The following GALNTL6 variants were observed in gnomAD, a reference collection of about 807,000 sequenced individuals.
GALNTL6 encodes polypeptide N-acetylgalactosaminyltransferase like 6.
In GALNTL6, 46 loss-of-function variants were observed where a neutral mutation model predicts 73.7. The observed-to-expected ratio is 0.62, with a 90% CI of 0.49 to 0.80. GALNTL6 has a LOEUF of 0.80. Among genes scored for constraint, GALNTL6 ranks in the 30% least tolerant of loss-of-function variants. The pLI, the probability that GALNTL6 is intolerant of heterozygous loss-of-function variation, is 0.00. For synonymous variants in GALNTL6, 259 were observed against 263.7 expected (o/e 0.98, Z 0.17); for missense variants, 604 against 755.0 (o/e 0.80, Z 2.34).
At chr4:171,989,891 G>T (rs571725996) in intron 2 of GALNTL6, among the ~76,000 whole-genome samples, 1 of 152,172 alleles carries the variant, frequency 6.6e-6, no homozygotes, top group African/African-American at 2.4e-5. Context: ...GAGCCTAAAC[G>T]CTATCTGATT....
At chr4:172,714,497 A>G (rs553500394) in intron 5 of GALNTL6, among the ~76,000 whole-genome samples, 1 of 152,324 alleles carries the variant, frequency 6.6e-6, no homozygotes, top group South Asian at 2.1e-4. Context: ...CATAAAGCAA[A>G]ACATTAATAG....
At chr4:172,644,328 C>G (rs922458047) in intron 5 of GALNTL6, among the ~76,000 whole-genome samples, 1 of 151,872 alleles carries the variant, frequency 6.6e-6, no homozygotes, top group African/African-American at 2.4e-5. Context: ...CACACACACA[C>G]AAACCTATGG....
At chr4:172,258,692 C>T (rs1430555050) in intron 3 of GALNTL6, among the ~76,000 whole-genome samples, 8 of 151,184 alleles carry the variant, frequency 5.3e-5, no homozygotes, top group African/African-American at 1.5e-4. Context: ...TTTTGGTGCA[C>T]GCATCACCTG....
chr4:172,849,781 A>G (rs1408097831), intron 7 of GALNTL6, among the ~76,000 whole-genome samples: 1 of 152,200 alleles, frequency 6.6e-6, no homozygotes, highest in African/African-American at 2.4e-5. Context: ...AGAGTTTGTC[A>G]AACTGTTTGA....
At chr4:172,199,472 C>G (rs891589238) in intron 2 of GALNTL6, among the ~76,000 whole-genome samples, 1 of 152,132 alleles carries the variant, frequency 6.6e-6, no homozygotes, top group Non-Finnish European at 1.5e-5. Flanking sequence ...TTAGATAATT[C>G]TCTCACCATT....
At chr4:172,474,858 C>G (rs950969909) in intron 5 of GALNTL6, among the ~76,000 whole-genome samples, 2 of 152,124 alleles carry the variant, frequency 1.3e-5, no homozygotes, top group African/African-American at 4.8e-5. Context: ...TTCCTTACTG[C>G]AGTTCATAGC....
At chr4:172,664,798 G>T (rs542046404) in intron 5 of GALNTL6, among the ~76,000 whole-genome samples, 2 of 152,264 alleles carry the variant, frequency 1.3e-5, no homozygotes, top group Non-Finnish European at 2.9e-5. Flanking sequence ...TTAGCACCCT[G>T]ACAAATGCAG....
Position 172,479,249 on chromosome 4 carries a change from A to G in GALNTL6, c.553+130560A>G, listed in dbSNP as rs1733351260. 5.9e-5 allele frequency among the ~76,000 whole-genome samples: 9 copies of G among 152,324 alleles called. 1 individual carries two copies. In the South Asian group the frequency reaches 1.9e-3, roughly 32 times the overall value. ...ATCACAGCACAATTCACAATTGCAC[A>G]TATATGGAGTCAACCTAAGTGCCCA... On this transcript the variant is annotated intron_variant, in intron 5 of 12. Transcript: ENST00000506823.
At chr4:172,547,307 A>G (rs79955299) in intron 5 of GALNTL6, among the ~76,000 whole-genome samples, 222 of 152,210 alleles carry the variant, frequency 1.5e-3, no homozygotes, top group Middle Eastern at 3.4e-3. Context: ...TTTCAGACCT[A>G]TCAGACTGAT....
At chr4:172,574,573 A>G (rs1736892908) in intron 5 of GALNTL6, among the ~76,000 whole-genome samples, 2 of 151,876 alleles carry the variant, frequency 1.3e-5, no homozygotes, top group Non-Finnish European at 2.9e-5. Context: ...AACAGAATAT[A>G]TGAAAATAAG....
At chr4:172,041,006 A>G (rs1403657892) in intron 2 of GALNTL6, among the ~76,000 whole-genome samples, 1 of 152,110 alleles carries the variant, frequency 6.6e-6, no homozygotes, top group Non-Finnish European at 1.5e-5. Context: ...ATCATTTATA[A>G]AGAACTTAAC....
intron 7 of GALNTL6, among the ~76,000 whole-genome samples, chr4:172,823,836 A>G (rs1196414693): frequency 2.0e-5 from 3 of 152,164 alleles, no homozygotes; most frequent in Non-Finnish European, 2.9e-5. Flanking sequence ...TAAAACCACA[A>G]CCTAGGAGAT....
intron 5 of GALNTL6, among the ~76,000 whole-genome samples, chr4:172,754,960 T>C (rs1431029519): frequency 3.3e-5 from 5 of 152,184 alleles, no homozygotes; most frequent in Admixed American, 1.3e-4. Context: ...GTCCAACTCT[T>C]GTGTCATCGC....
intron 2 of GALNTL6, among the ~76,000 whole-genome samples, chr4:171,916,751 A>G (rs1030886867): frequency 6.6e-6 from 1 of 152,030 alleles, no homozygotes; most frequent in African/African-American, 2.4e-5. Flanking sequence ...TTTAAAATGC[A>G]GGGAATTATA....
In GALNTL6 at chr4:172,354,259, G is replaced by A. The variant is rs530384121; in HGVS notation, c.553+5570G>A. ...TTGGAGTTATTTAGATTTAATATTCGTATTTAAAATGGTGAGGATAATTGC... is the reference window on the plus strand; with the variant it reads ...TTGGAGTTATTTAGATTTAATATTCATATTTAAAATGGTGAGGATAATTGC... On this transcript the variant is annotated intron_variant, in intron 5 of 12. Transcript: ENST00000506823. Among the ~76,000 whole-genome samples the A allele has an allele frequency of 4.6e-5, 7 of 152,048 alleles. No homozygotes were observed. In the South Asian group the frequency reaches 8.3e-4, roughly 18 times the overall value.
intron 2 of GALNTL6, among the ~76,000 whole-genome samples, chr4:172,034,848 A>G (rs187053218): frequency 2.0e-5 from 3 of 152,260 alleles, no homozygotes; most frequent in African/African-American, 7.2e-5. Flanking sequence ...CATGCTTTCT[A>G]CACTAAAGGA....
At chr4:171,821,287 CA>C (rs1287844333) in intron 2 of GALNTL6, among the ~76,000 whole-genome samples, 1 of 152,230 alleles carries the variant, frequency 6.6e-6, no homozygotes, top group East Asian at 1.9e-4. Context: ...GAGATCCCCC[CA>C]CTTCAGCCTC....
At chr4:172,860,023 C>T (rs1744318331) in intron 7 of GALNTL6, among the ~76,000 whole-genome samples, 1 of 152,152 alleles carries the variant, frequency 6.6e-6, no homozygotes, top group Non-Finnish European at 1.5e-5. Context: ...ATAAAGTGCA[C>T]AATAAATGTA....
intron 3 of GALNTL6, among the ~76,000 whole-genome samples, chr4:172,276,780 G>C (rs1194872434): frequency 6.6e-6 from 1 of 151,836 alleles, no homozygotes; most frequent in East Asian, 1.9e-4. Flanking sequence ...TTTTATTCAG[G>C]TAGTAAGATA....
Sources: gnomAD v4.1 joint callset for allele counts (sites outside exome capture counted in the v4.1 genomes callset) on GRCh38, gnomAD v4.1.1 for gene constraint, MANE v1.5 for transcripts, NCBI Gene and HGNC (gene_info 2026-07-23, HGNC 2026-07-21) for gene names.